The following SLFN11 variants were observed in gnomAD, a reference collection of about 807,000 sequenced individuals.
SLFN11 encodes the protein schlafen family member 11.
A neutral mutation model predicts 53.4 loss-of-function variants in SLFN11; 43 were observed. The ratio of observed to expected loss-of-function variants is 0.80; its 90% confidence interval spans 0.63 to 1.04. The LOEUF (loss-of-function observed/expected upper bound fraction) is 1.04, where lower values mean the gene tolerates loss of function less well. Ranked by LOEUF, SLFN11 falls within the 50% of genes least tolerant of loss-of-function variation. SLFN11 has a pLI of 0.00. For missense variants in SLFN11, 990 were observed against 1,079.1 expected, an observed-to-expected ratio of 0.92 and a Z score of 1.16; for synonymous variants, 389 against 394.7, an observed-to-expected ratio of 0.99 and a Z score of 0.17.
At chr17:35,359,528 A>G (rs1907935132) in intron 5 of SLFN11, among the ~76,000 whole-genome samples, 1 of 152,102 alleles carries the variant, frequency 6.6e-6, no homozygotes, top group African/African-American at 2.4e-5. Context: ...GGGATTCTAC[A>G]AAGACAGCAA....
chr17:35,371,270 G>T (rs186964014), intron 1 of SLFN11, among the ~76,000 whole-genome samples: 1 of 152,032 alleles, frequency 6.6e-6, no homozygotes, highest in African/African-American at 2.4e-5. Context: ...ATATCTATCC[G>T]CAGAACAATG....
intron 1 of SLFN11, among the ~76,000 whole-genome samples, chr17:35,372,413 G>A (rs1909799263): frequency 6.6e-6 from 1 of 152,096 alleles, no homozygotes; most frequent in South Asian, 2.1e-4. Flanking sequence ...AGTTATTATA[G>A]TCAATGATAA....
intron 5 of SLFN11, among the ~76,000 whole-genome samples, chr17:35,357,947 G>T (rs1052142816): frequency 6.9e-6 from 1 of 144,480 alleles, no homozygotes; most frequent in Non-Finnish European, 1.5e-5. Context: ...ATTATTTATA[G>T]ATAGCTTCCC....
chr17:35,366,261 C>T (rs1908942733), intron 3 of SLFN11, among the ~76,000 whole-genome samples: 1 of 151,546 alleles, frequency 6.6e-6, no homozygotes, highest in Non-Finnish European at 1.5e-5. Context: ...TTATAGGTCT[C>T]AATAAGGGAA....
intron 5 of SLFN11, among the ~76,000 whole-genome samples, chr17:35,356,914 C>A (rs62079543): frequency 6.6e-6 from 1 of 151,308 alleles, no homozygotes; most frequent in Non-Finnish European, 1.5e-5. Flanking sequence ...GGAGTTGTAC[C>A]AATATGGACT....
chr17:35,358,504 C>G (rs1907804262), intron 5 of SLFN11, among the ~76,000 whole-genome samples: 1 of 151,094 alleles, frequency 6.6e-6, no homozygotes, highest in African/African-American at 2.4e-5. Flanking sequence ...TGCCTGTAAT[C>G]TCTCCCAATT....
At chr17:35,360,808 A>T (rs1908110327) in intron 4 of SLFN11, among the ~76,000 whole-genome samples, 1 of 152,026 alleles carries the variant, frequency 6.6e-6, no homozygotes, top group Admixed American at 6.6e-5. Context: ...ACTCACACTT[A>T]AAAAATAGCT....
At chr17:35,368,229 G>A (rs1909210734) in intron 1 of SLFN11, among the ~76,000 whole-genome samples, 1 of 152,010 alleles carries the variant, frequency 6.6e-6, no homozygotes, top group African/African-American at 2.4e-5. Context: ...AACAGAAAGG[G>A]AAATGGGAGG....
intron 1 of SLFN11, among the ~76,000 whole-genome samples, chr17:35,372,382 C>A (rs1909795464): frequency 6.6e-6 from 1 of 151,966 alleles, no homozygotes; most frequent in Non-Finnish European, 1.5e-5. Context: ...ATGAATAAGA[C>A]CTACTATTTG....
chr17:35,352,103 G>A lies in SLFN11; in HGVS notation c.*253C>T, dbSNP rs1906748693. The stretch of plus-strand genomic sequence containing the variant: ...CAAGACACAGATCGGCATTGTGCAG[G>A]ACAGCTAAAGTTCCTTTAGAAAACC... On this transcript the variant is annotated 3_prime_UTR_variant, in exon 7 of 7. Transcript: ENST00000685675. 1 of 562,054 alleles carries A rather than the reference G, an allele frequency of 1.8e-6. No individual in the cohort carries two copies. Among genetic ancestry groups the A allele is most frequent in the Non-Finnish European group, 3.2e-6 (1 of 316,380 alleles). The allele number at this position is 562,054 out of a possible 1,614,324, so 34.8% of individuals were successfully genotyped here.
At position 35,367,660 on chromosome 17, in the gene SLFN11, T is replaced by C. The variant is rs1909125114; in HGVS notation, c.-194A>G. 1 of 152,156 alleles carries C rather than the reference T, an allele frequency of 6.6e-6. No homozygotes were observed. The highest frequency in any genetic ancestry group is 2.4e-5 in the African/African-American group (1 of 41,456). 9.4% of individuals were successfully genotyped at this position (152,156 alleles called of 1,614,324 possible). A position where few individuals can be genotyped will look rare whatever the true frequency, so the allele number is the denominator to read the frequency against. On this transcript the variant is annotated 5_prime_UTR_variant, in exon 2 of 7. Coordinates refer to ENST00000685675, the MANE Select transcript of SLFN11 (RefSeq NM_001376007.1). ...GTGAATTAGCACCACCTGCTATCTC[T>C]TTCCACCAAAAGCAGTCCTGAAGGC... is the stretch of plus-strand genomic sequence containing the variant.
At chr17:35,355,726 G>A (rs915840181) in intron 5 of SLFN11, among the ~76,000 whole-genome samples, 4 of 152,084 alleles carry the variant, frequency 2.6e-5, no homozygotes, top group African/African-American at 9.7e-5. Context: ...CAGACTAGGT[G>A]TTCAATTAAT....
At position 35,353,058 on chromosome 17, in the gene SLFN11, G is replaced by T. The variant is rs377115038; in HGVS notation, c.2004C>A (p.Asp668Glu). ...CTTCAGTACGGAAATTCTGAGCTTC[G>T]TCAATGACGATGTGTTGAATGTGTT... is the stretch of plus-strand genomic sequence containing the variant. ...NFEHIQHIVI[D>E]EAQNFRTEDG... The change falls in exon 7 of 7, where the codon GAC becomes GAA. Residue 668 changes from aspartate to glutamate, a missense_variant. Around this residue, in one of 3 missense-constraint regions of SLFN11, gnomAD observed 313 missense variants for 320.9 expected, o/e 0.98. Coordinates refer to ENST00000685675, the MANE Select transcript of SLFN11 (RefSeq NM_001376007.1). The T allele has an allele frequency of 8.1e-6, 13 of 1,613,982 alleles. No individual in the cohort carries two copies. Among genetic ancestry groups the T allele is most frequent in the Non-Finnish European group, 1.1e-5 (13 of 1,180,036 alleles).
rs577664302 is a variant in SLFN11, at chr17:35,363,452, C to T, written c.356G>A (p.Arg119His). The T allele has an allele frequency of 2.4e-5, 39 of 1,613,804 alleles. No homozygotes were observed. The highest frequency in any genetic ancestry group is 3.1e-5 in the Non-Finnish European group (37 of 1,179,894). ...SWSSGPFPED[R>H]SVKPRLCSLS... is the part of the protein sequence containing the mutation. Reference sequence around the variant, plus strand: ...GCTGCAAAGGCGGGGCTTGACAGAGCGATCTTCAGGGAAAGGGCCACTGCT... The same window carrying T: ...GCTGCAAAGGCGGGGCTTGACAGAGTGATCTTCAGGGAAAGGGCCACTGCT... The change falls in exon 4 of 7, where the codon CGC becomes CAC. Residue 119 changes from arginine to histidine, a missense_variant. Coordinates refer to ENST00000685675, the MANE Select transcript of SLFN11 (RefSeq NM_001376007.1).
At position 35,352,179 on chromosome 17, in the gene SLFN11, G is replaced by A. The variant is rs1360770783; in HGVS notation, c.*177C>T. 27 of 601,644 alleles carry A rather than the reference G, an allele frequency of 4.5e-5. No individual in the cohort carries two copies. The African/African-American group carries it at 5.2e-4, about 12-fold the overall frequency. The allele number at this position is 601,644 out of a possible 1,614,324, so 37.3% of individuals were successfully genotyped here. A position where few individuals can be genotyped will look rare whatever the true frequency, so the allele number is the denominator to read the frequency against. On this transcript the variant is annotated 3_prime_UTR_variant, in exon 7 of 7. Transcript: ENST00000685675. Reference sequence around the variant, plus strand: ...GGGGTCAGAATGGGGGGCAGCCACCGCTGCTGAAAGGGTTGGGGAAGGAAC... The same window carrying A: ...GGGGTCAGAATGGGGGGCAGCCACCACTGCTGAAAGGGTTGGGGAAGGAAC...
At chr17:35,362,637 G>A in intron 4 of SLFN11, 102 bp downstream of exon 4, 1 of 861,668 alleles carries the variant, frequency 1.2e-6, no homozygotes, top group South Asian at 2.5e-5. Context: ...AGTGTTCAGT[G>A]GATGTAAGAT....
intron 4 of SLFN11, among the ~76,000 whole-genome samples, chr17:35,360,923 T>A (rs1229657297): frequency 2.0e-5 from 3 of 152,124 alleles, no homozygotes; most frequent in Admixed American, 6.5e-5. Flanking sequence ...TGGACTATGA[T>A]CACGCCACTG....
Position 35,363,690 on chromosome 17 carries a change from C to A in SLFN11, c.118G>T (p.Asp40Tyr), listed in dbSNP as rs1908574159. ...CGCATAACTCTCTCCTTCTCTTGGT[C>A]TCTCTGAATTTTCTGCAGCTTTTTT... ...NRKKLQKIQR[D>Y]QEKERVMRAA... is the part of the protein sequence containing the mutation. The change falls in exon 4 of 7, where the codon GAC becomes TAC. Residue 40 changes from aspartate (D) to tyrosine (Y), a missense_variant. Physicochemically the swap from Asp to Tyr is radical, Grantham distance 160 (BLOSUM62 -3). This residue lies in a region of SLFN11 where 521 missense variants were observed against 516.2 expected (regional missense o/e 1.01). Transcript: ENST00000685675. 2 of 1,613,902 alleles carry A rather than the reference C, an allele frequency of 1.2e-6. No individual in the cohort carries two copies. Among genetic ancestry groups the A allele is most frequent in the Non-Finnish European group, 8.5e-7 (1 of 1,179,980 alleles).
At position 35,367,853 on chromosome 17, in the gene SLFN11, G is replaced by A. The variant is rs1567827679; in HGVS notation, c.-234-153C>T. Among the ~76,000 whole-genome samples the A allele has an allele frequency of 2.0e-5, 3 of 151,908 alleles. No individual in the cohort carries two copies. The South Asian group carries it at 6.2e-4, about 32-fold the overall frequency. The stretch of plus-strand genomic sequence containing the variant: ...TATGGTTTCCATTTATTAGCTGTAC[G>A]GTTTCCATTTATTAGCTGTCCCCAT... On this transcript the variant is annotated intron_variant, in intron 1 of 6. Coordinates refer to ENST00000685675, the MANE Select transcript of SLFN11 (RefSeq NM_001376007.1).
Sources: gnomAD v4.1 joint callset for allele counts (sites outside exome capture counted in the v4.1 genomes callset) on GRCh38, gnomAD v4.1.1 for gene constraint, gnomAD v4.1.1 regional missense constraint, MANE v1.5 for transcripts, NCBI Gene and HGNC (gene_info 2026-07-23, HGNC 2026-07-21) for gene names.